The following GPHN variants were observed in gnomAD, a reference collection of about 807,000 sequenced individuals.
The protein encoded by GPHN is gephyrin.
GPHN carries 17 observed loss-of-function variants against 95.5 expected under a neutral mutation model. That is an observed-to-expected ratio of 0.18 (90% confidence interval 0.12 to 0.27). GPHN has a LOEUF of 0.27. Ranked by LOEUF, GPHN falls within the 10% of genes least tolerant of loss-of-function variation. The probability of loss-of-function intolerance (pLI) is 1.00; values close to 1 mark genes in which losing one functional copy is unlikely to be tolerated. For missense variants in GPHN, 660 were observed against 978.1 expected, an observed-to-expected ratio of 0.67 and a Z score of 4.34; for synonymous variants, 320 against 322.5, an observed-to-expected ratio of 0.99 and a Z score of 0.08.
chr14:66,654,260 G>C (rs1002444568), intron 1 of GPHN, among the ~76,000 whole-genome samples: 1 of 152,016 alleles, frequency 6.6e-6, no homozygotes. Flanking sequence ...GCGCCACCAT[G>C]CCCAGCTAAT....
At chr14:66,770,702 A>C (rs897959094) in intron 2 of GPHN, among the ~76,000 whole-genome samples, 1 of 152,118 alleles carries the variant, frequency 6.6e-6, no homozygotes, top group African/African-American at 2.4e-5. Flanking sequence ...TAGTCCCCCC[A>C]TCCACAGTTT....
the GPHN span, among the ~76,000 whole-genome samples, chr14:67,504,348 C>T: frequency 2.6e-5 from 4 of 152,172 alleles, no homozygotes; most frequent in Non-Finnish European, 5.9e-5. Context: ...AATATAAGTA[C>T]GTTCCTCATG....
chr14:67,502,021 C>T, the GPHN span, among the ~76,000 whole-genome samples: 41 of 152,266 alleles, frequency 2.7e-4, no homozygotes, highest in South Asian at 1.0e-3. Context: ...AATAGCATGA[C>T]GTTAGGTCTC....
At chr14:66,754,644 ATAAT>A (rs2058494312) in intron 2 of GPHN, among the ~76,000 whole-genome samples, 1 of 151,948 alleles carries the variant, frequency 6.6e-6, no homozygotes, top group Non-Finnish European at 1.5e-5. Flanking sequence ...AAATTATTAA[ATAAT>A]TAAATTTTCT....
At chr14:67,608,627 G>A in the GPHN span, among the ~76,000 whole-genome samples, 3 of 152,168 alleles carry the variant, frequency 2.0e-5, no homozygotes, top group African/African-American at 7.2e-5. Flanking sequence ...GGACTTTCTG[G>A]TGCTAAGCCT....
the GPHN span, chr14:67,616,991 C>T: frequency 6.6e-6 from 1 of 152,198 alleles, no homozygotes; most frequent in Non-Finnish European, 1.5e-5. Context: ...TGCCCTGCCT[C>T]AGCCTCCTGA....
the GPHN span, chr14:67,734,404 C>T: frequency 6.5e-6 from 1 of 155,012 alleles, no homozygotes; most frequent in Non-Finnish European, 1.4e-5. Context: ...GTAAAGAGTT[C>T]CGTTTGCCTT....
the GPHN span, chr14:67,692,764 T>A: frequency 1.2e-6 from 1 of 868,540 alleles, no homozygotes; most frequent in Non-Finnish European, 1.8e-6. Context: ...TAATATTCAT[T>A]AAGGGTCCAT....
the GPHN span, among the ~76,000 whole-genome samples, chr14:67,322,841 A>G: frequency 6.6e-6 from 1 of 152,202 alleles, no homozygotes; most frequent in African/African-American, 2.4e-5. Context: ...ATTTTGATAG[A>G]GCGTGTCAGT....
At chr14:67,434,910 A>C in the GPHN span, among the ~76,000 whole-genome samples, 1 of 151,176 alleles carries the variant, frequency 6.6e-6, no homozygotes, top group Non-Finnish European at 1.5e-5. Context: ...AGGGCATCAC[A>C]TGCTGAGGGG....
At chr14:67,260,759 T>C in the GPHN span, among the ~76,000 whole-genome samples, 1 of 152,178 alleles carries the variant, frequency 6.6e-6, no homozygotes, top group Non-Finnish European at 1.5e-5. Flanking sequence ...AAATAAGTGC[T>C]ATAAGAGTTG....
At chr14:67,538,278 A>C in the GPHN span, among the ~76,000 whole-genome samples, 1 of 152,184 alleles carries the variant, frequency 6.6e-6, no homozygotes, top group African/African-American at 2.4e-5. Flanking sequence ...AATTGTAGAT[A>C]TTGGGAGATC....
chr14:67,394,332 G>C, the GPHN span, among the ~76,000 whole-genome samples: 2 of 151,918 alleles, frequency 1.3e-5, no homozygotes, highest in Non-Finnish European at 2.9e-5. Flanking sequence ...GGAGGTCAAG[G>C]CTGCAGTGAG....
the GPHN span, among the ~76,000 whole-genome samples, chr14:67,244,902 T>G: frequency 1.3e-5 from 2 of 152,142 alleles, no homozygotes; most frequent in Admixed American, 6.6e-5. Context: ...ATTATTCAGG[T>G]GGTCCCAGTG....
At chr14:67,134,632 G>A (rs1278494877) in intron 17 of GPHN, among the ~76,000 whole-genome samples, 1 of 152,206 alleles carries the variant, frequency 6.6e-6, no homozygotes, top group East Asian at 1.9e-4. Context: ...TGGATGAAAT[G>A]AGACGCTGTC....
chr14:67,142,275 C>T (rs1006468682), intron 17 of GPHN, among the ~76,000 whole-genome samples: 2 of 152,182 alleles, frequency 1.3e-5, no homozygotes, highest in African/African-American at 2.4e-5. Flanking sequence ...AATTACAGGT[C>T]GCATTGCCCA....
the GPHN span, chr14:67,279,567 C>T: frequency 1.3e-6 from 2 of 1,500,126 alleles, no homozygotes. Flanking sequence ...TAACAGAAAA[C>T]ATTTTGCTTT....
chr14:67,138,838 C>T (rs1242269504), intron 17 of GPHN, among the ~76,000 whole-genome samples: 1 of 143,560 alleles, frequency 7.0e-6, no homozygotes. Context: ...ATGCAGTTTT[C>T]TGCTGGTTAC....
chr14:67,589,006 T>C, the GPHN span: 1 of 152,644 alleles, frequency 6.6e-6, no homozygotes, highest in African/African-American at 2.4e-5. Flanking sequence ...AGCTGAGACA[T>C]TTCTACCTCG....
Sources: allele counts gnomAD v4.1 joint callset (sites outside exome capture counted in the v4.1 genomes callset), GRCh38; gene constraint gnomAD v4.1.1; transcripts MANE v1.5; gene names NCBI Gene and HGNC (gene_info 2026-07-23, HGNC 2026-07-21).